The following STX7 variants were observed in gnomAD, a reference collection of about 807,000 sequenced individuals.
STX7 encodes the protein syntaxin-7.
Under a neutral mutation model 39.6 loss-of-function variants are expected in STX7, and 34 were observed. The ratio of observed to expected loss-of-function variants is 0.86; its 90% CI spans 0.65 to 1.14. The LOEUF (loss-of-function observed/expected upper bound fraction) is 1.14. STX7 is among the 50% of genes most tolerant of loss of function. The probability of loss-of-function intolerance (pLI) is 0.00; values close to 1 mark genes in which losing one functional copy is unlikely to be tolerated. For missense variants in STX7, 284 were observed against 310.4 expected, an observed-to-expected ratio of 0.92 and a Z score of 0.64; for synonymous variants, 119 against 99.1, an observed-to-expected ratio of 1.20 and a Z score of -1.19.
chr6:132,486,406 T>A (rs1419702388), intron 2 of STX7, among the ~76,000 whole-genome samples: 1 of 152,162 alleles, frequency 6.6e-6, no homozygotes, highest in Non-Finnish European at 1.5e-5. Flanking sequence ...CTGAGAATTT[T>A]TGTTAGGAAT....
At chr6:132,492,979 C>T (rs1479688016) in intron 2 of STX7, among the ~76,000 whole-genome samples, 1 of 152,124 alleles carries the variant, frequency 6.6e-6, no homozygotes, top group Non-Finnish European at 1.5e-5. Flanking sequence ...ATAAGCAGGC[C>T]TTGGCTGGAT....
chr6:132,478,489 TGGAAGCCCCTG>T (rs1202705377), intron 2 of STX7, among the ~76,000 whole-genome samples: 3 of 152,110 alleles, frequency 2.0e-5, no homozygotes, highest in African/African-American at 7.2e-5. Context: ...AAGAAATCAT[TGGAAGCCCCTG>T]GGGACCCACT....
chr6:132,501,054 G>T (rs989183739), intron 2 of STX7, among the ~76,000 whole-genome samples: 2 of 150,112 alleles, frequency 1.3e-5, no homozygotes, highest in Non-Finnish European at 2.9e-5. Context: ...TGCATGAACA[G>T]TCCCTGTCTT....
At chr6:132,462,591 GTGT>G (rs1389318547) in intron 9 of STX7, among the ~76,000 whole-genome samples, 1 of 141,078 alleles carries the variant, frequency 7.1e-6, no homozygotes, top group African/African-American at 2.5e-5. Context: ...GGGTGTGTGT[GTGT>G]GTGTGTGTGT....
intron 1 of STX7, among the ~76,000 whole-genome samples, chr6:132,512,479 G>C (rs1259982688): frequency 6.6e-6 from 1 of 152,162 alleles, no homozygotes; most frequent in Admixed American, 6.5e-5. Flanking sequence ...AAGTCATCAA[G>C]CCAAATTAAA....
In STX7 at chr6:132,486,895, G is replaced by T. The variant is rs570857625; in HGVS notation, c.86-11233C>A. Among the ~76,000 whole-genome samples, 205 of 152,190 alleles carry T rather than the reference G, an allele frequency of 1.3e-3. 1 individual carries two copies. The highest frequency in any genetic ancestry group is 4.8e-3 in the African/African-American group (200 of 41,522). On this transcript the variant is annotated intron_variant, in intron 2 of 9. Coordinates refer to ENST00000367941, the MANE Select transcript of STX7 (RefSeq NM_003569.3). Reference sequence around the variant, plus strand: ...TTGGCCAGGCTTGTCTTGAACTCCCGACATCAGGTGATTCGCCAGCCTCAG... The same window carrying T: ...TTGGCCAGGCTTGTCTTGAACTCCCTACATCAGGTGATTCGCCAGCCTCAG...
Position 132,459,046 on chromosome 6 carries a change from T to TG in STX7, c.*1711_*1712insC, listed in dbSNP as rs1276425152. On this transcript the variant is annotated 3_prime_UTR_variant, in exon 10 of 10. Transcript: ENST00000367941. ...TGGGGATGGGACTTTAAAACAGCGGTAAGACGCTGGTTTATCACCAGAAAC... is the reference window on the plus strand; with the variant it reads ...TGGGGATGGGACTTTAAAACAGCGGTGAAGACGCTGGTTTATCACCAGAAAC... 1 of 152,158 alleles carries TG rather than the reference T, an allele frequency of 6.6e-6. No homozygotes were observed. Among genetic ancestry groups the TG allele is most frequent in the Non-Finnish European group, 1.5e-5 (1 of 68,024 alleles). The allele number at this position is 152,158 out of a possible 1,614,324, so 9.4% of individuals were successfully genotyped here. A position where few individuals can be genotyped will look rare whatever the true frequency, so the allele number is the denominator to read the frequency against.
At chr6:132,489,381 C>A (rs1286124763) in intron 2 of STX7, among the ~76,000 whole-genome samples, 2 of 151,662 alleles carry the variant, frequency 1.3e-5, no homozygotes, top group Non-Finnish European at 2.9e-5. Context: ...TTAGAAATAC[C>A]CATGTCTATC....
chr6:132,496,800 T>C (rs923858318), intron 2 of STX7, among the ~76,000 whole-genome samples: 10 of 152,218 alleles, frequency 6.6e-5, no homozygotes, highest in African/African-American at 7.2e-5. Context: ...TGCAATCACA[T>C]ACAGCTTGCT....
At chr6:132,505,457 T>A (rs1376631907) in intron 1 of STX7, among the ~76,000 whole-genome samples, 1 of 152,188 alleles carries the variant, frequency 6.6e-6, no homozygotes, top group African/African-American at 2.4e-5. Flanking sequence ...GGCTTTTAGA[T>A]ATTCTCCAAC....
At position 132,460,345 on chromosome 6, in the gene STX7, C is replaced by G. The variant is rs1774358130; in HGVS notation, c.*413G>C. 6.5e-6 allele frequency: 1 copy of G among 153,176 alleles called. No homozygotes were observed. The highest frequency in any genetic ancestry group is 2.4e-5 in the African/African-American group (1 of 41,464). The allele number at this position is 153,176 out of a possible 1,614,324, so 9.5% of individuals were successfully genotyped here. A position where few individuals can be genotyped will look rare whatever the true frequency, so the allele number is the denominator to read the frequency against. ...GAATATTTTCCCTGCTGAAGCAAAT[C>G]AAAATTAAATTTGAGAATTTTAATT... On this transcript the variant is annotated 3_prime_UTR_variant, in exon 10 of 10. Coordinates refer to ENST00000367941, the MANE Select transcript of STX7 (RefSeq NM_003569.3).
intron 3 of STX7, among the ~76,000 whole-genome samples, chr6:132,475,050 A>G (rs1774837661): frequency 6.6e-6 from 1 of 152,202 alleles, no homozygotes; most frequent in Non-Finnish European, 1.5e-5. Context: ...AACAGCTGTC[A>G]AAAACAACCT....
chr6:132,509,561 A>G (rs1775797645), intron 1 of STX7, among the ~76,000 whole-genome samples: 1 of 152,110 alleles, frequency 6.6e-6, no homozygotes, highest in South Asian at 2.1e-4. Context: ...ACTTTTCTGC[A>G]TGCCCCATAT....
chr6:132,474,227 CAAAAAAAAAAAAA>C (rs67939950), intron 3 of STX7, among the ~76,000 whole-genome samples: 2 of 69,924 alleles, frequency 2.9e-5, no homozygotes, highest in African/African-American at 5.7e-5. Flanking sequence ...GATCCTGTCT[CAAAAAAAAAAAAA>C]AAAAAAAAAA....
rs961546357 is a variant in STX7 at position 132,452,775 on chromosome 6, G to A, written c.*7983C>T. The stretch of plus-strand genomic sequence containing the variant: ...TGATCCTGTGATCATGATCGGGAAG[G>A]CTTAACATGGTAAAGATGTCAAATC... On this transcript the variant is annotated 3_prime_UTR_variant, in exon 10 of 10. Transcript: ENST00000367941. 2 of 152,092 alleles carry A rather than the reference G, an allele frequency of 1.3e-5. No homozygotes were observed. Among genetic ancestry groups the A allele is most frequent in the Non-Finnish European group, 1.5e-5 (1 of 67,986 alleles). 9.4% of individuals were successfully genotyped at this position (152,092 alleles called of 1,614,324 possible).
Position 132,451,530 on chromosome 6 carries a change from G to A in STX7, c.*9228C>T, listed in dbSNP as rs1052911868. 2 of 152,166 alleles carry A rather than the reference G, an allele frequency of 1.3e-5. No homozygotes were observed. The highest frequency in any genetic ancestry group is 2.9e-5 in the Non-Finnish European group (2 of 68,026). 9.4% of individuals were successfully genotyped at this position (152,166 alleles called of 1,614,324 possible). A position where few individuals can be genotyped will look rare whatever the true frequency, so the allele number is the denominator to read the frequency against. ...AGATGAAAGAAAACTGAGAGAATTT[G>A]TTGCCAATGGAACTACAATAATAAT... On this transcript the variant is annotated 3_prime_UTR_variant, in exon 10 of 10. Coordinates refer to ENST00000367941, the MANE Select transcript of STX7 (RefSeq NM_003569.3).
intron 9 of STX7, among the ~76,000 whole-genome samples, chr6:132,462,587 GTGT>G (rs1454987416): frequency 1.5e-5 from 1 of 65,082 alleles, no homozygotes; most frequent in East Asian, 9.4e-4. Context: ...GCAGGGGTGT[GTGT>G]GTGTGTGTGT....
chr6:132,462,757 A>G (rs1184946230), intron 9 of STX7, among the ~76,000 whole-genome samples: 1 of 152,206 alleles, frequency 6.6e-6, no homozygotes, highest in African/African-American at 2.4e-5. Flanking sequence ...ACAACTGGTT[A>G]TAACTCAGCA....
chr6:132,462,553 A>C (rs914546535), intron 9 of STX7, among the ~76,000 whole-genome samples: 3 of 151,488 alleles, frequency 2.0e-5, no homozygotes, highest in Non-Finnish European at 4.4e-5. Context: ...ATATGCTAAC[A>C]GCTCCAGAAG....
Sources: gnomAD v4.1 joint callset for allele counts (sites outside exome capture counted in the v4.1 genomes callset) on GRCh38, gnomAD v4.1.1 for gene constraint, MANE v1.5 for transcripts, NCBI Gene and HGNC (gene_info 2026-07-23, HGNC 2026-07-21) for gene names.